Variants in NECTIN2 observed in about 807,000 individuals in gnomAD.
The protein encoded by NECTIN2 is nectin-2.
Under a neutral mutation model 56.9 loss-of-function variants are expected in NECTIN2, and 23 were observed. The ratio of observed to expected loss-of-function variants is 0.40; its 90% CI spans 0.29 to 0.57. The LOEUF is 0.57. Among genes scored for constraint, NECTIN2 ranks in the 20% least tolerant of loss-of-function variants. The pLI is 0.38. For synonymous variants in NECTIN2, 302 were observed against 313.8 expected (o/e 0.96, Z 0.40); for missense variants, 587 against 718.3 (o/e 0.82, Z 2.09).
intron 5 of NECTIN2, among the ~76,000 whole-genome samples, chr19:44,880,744 GTGTGAGTCAC>G (rs1311299081): frequency 6.6e-6 from 1 of 150,456 alleles, no homozygotes; most frequent in Admixed American, 6.7e-5. Flanking sequence ...GGGATGACAG[GTGTGAGTCAC>G]TGTGCCTGGC....
At chr19:44,866,313 G>A (rs190870335) in intron 2 of NECTIN2, among the ~76,000 whole-genome samples, 177 of 152,248 alleles carry the variant, frequency 1.2e-3, no homozygotes, top group South Asian at 2.1e-3. Context: ...GCTGAGGTGG[G>A]AGGATCGCTT....
At chr19:44,867,119 AC>A (rs2122669938) in intron 2 of NECTIN2, among the ~76,000 whole-genome samples, 1 of 152,086 alleles carries the variant, frequency 6.6e-6, no homozygotes, top group Non-Finnish European at 1.5e-5. Context: ...CCCAGGTTCA[AC>A]CAATTCTCCT....
At chr19:44,855,101 G>A (rs1325610866) in intron 1 of NECTIN2, among the ~76,000 whole-genome samples, 9 of 123,330 alleles carry the variant, frequency 7.3e-5, no homozygotes, top group Non-Finnish European at 1.5e-4. Context: ...CTGGGTGACA[G>A]AGCAAGACTC....
rs1052634134 is a variant in NECTIN2, at chr19:44,861,635, A to G, written c.89-3636A>G. Among the ~76,000 whole-genome samples the G allele has an allele frequency of 1.1e-4, 16 of 152,348 alleles. No individual in the cohort carries two copies. The East Asian group carries it at 2.7e-3, about 26-fold the overall frequency. The stretch of plus-strand genomic sequence containing the variant: ...GACAAAGGTCTAACATCCAGAACCT[A>G]CAAGGAATTTAAACAAATTTACAAG... On this transcript the variant is annotated intron_variant, in intron 1 of 8. Coordinates refer to ENST00000252483, the MANE Select transcript of NECTIN2 (RefSeq NM_001042724.2).
intron 1 of NECTIN2, among the ~76,000 whole-genome samples, chr19:44,852,836 G>A (rs573877749): frequency 2.0e-5 from 3 of 152,164 alleles, no homozygotes; most frequent in African/African-American, 2.4e-5. Context: ...AGGACGCGGT[G>A]GCTCACGCCT....
chr19:44,851,969 T>C (rs1968904287), intron 1 of NECTIN2, among the ~76,000 whole-genome samples: 1 of 152,132 alleles, frequency 6.6e-6, no homozygotes, highest in African/African-American at 2.4e-5. Flanking sequence ...AGCTTCTCCC[T>C]GTCACCCCCA....
rs1315558010 is a variant in NECTIN2, at chr19:44,888,749, A to G, written c.*370A>G. 4.7e-6 allele frequency: 1 copy of G among 211,756 alleles called. No homozygotes were observed. Among genetic ancestry groups the G allele is most frequent in the Non-Finnish European group, 9.7e-6 (1 of 103,530 alleles). 13.1% of individuals were successfully genotyped at this position (211,756 alleles called of 1,614,324 possible). A position where few individuals can be genotyped will look rare whatever the true frequency, so the allele number is the denominator to read the frequency against. On this transcript the variant is annotated 3_prime_UTR_variant, in exon 9 of 9. Coordinates refer to ENST00000252483, the MANE Select transcript of NECTIN2 (RefSeq NM_001042724.2). Reference sequence around the variant, plus strand: ...GACCTATAATTTGTCTTCAGGTAGTAAATTCCCAATAGGTCTGCTGGAGTG... The same window carrying G: ...GACCTATAATTTGTCTTCAGGTAGTGAATTCCCAATAGGTCTGCTGGAGTG...
At chr19:44,854,239 C>G (rs1968937520) in intron 1 of NECTIN2, among the ~76,000 whole-genome samples, 1 of 152,000 alleles carries the variant, frequency 6.6e-6, no homozygotes, top group Non-Finnish European at 1.5e-5. Flanking sequence ...GAATTACAGG[C>G]ATGCAGCTAA....
intron 8 of NECTIN2, 57 bp from the exon 9 acceptor site, chr19:44,888,053 T>G: frequency 2.6e-6 from 4 of 1,555,776 alleles, no homozygotes; most frequent in Non-Finnish European, 3.5e-6. Flanking sequence ...AGCAGATTGG[T>G]AATCTGTGTC....
chr19:44,874,591 T>G lies in NECTIN2; in HGVS notation c.1042+113T>G, dbSNP rs1254066912. ...GGCTGCGCCGCCGACCTGGGAGGGA[T>G]GCAGACCTGCCTGGCTGAGGGGAGA... On this transcript the variant is annotated intron_variant, in intron 5 of 8. Coordinates refer to ENST00000252483, the MANE Select transcript of NECTIN2 (RefSeq NM_001042724.2). The surrounding 1 kb of genome is among the most constrained non-coding windows in gnomAD (Gnocchi z 6.3). 4.4e-6 allele frequency: 6 copies of G among 1,349,842 alleles called. No individual in the cohort carries two copies. The highest frequency in any genetic ancestry group is 6.1e-6 in the Non-Finnish European group (6 of 978,276). The allele number at this position is 1,349,842 out of a possible 1,614,324, so 83.6% of individuals were successfully genotyped here.
chr19:44,847,923 C>A (rs1968855714), intron 1 of NECTIN2, among the ~76,000 whole-genome samples: 1 of 152,086 alleles, frequency 6.6e-6, no homozygotes, highest in Admixed American at 6.5e-5. Context: ...AGGAGAGCGG[C>A]CCCCCTGGGG....
At position 44,865,313 on chromosome 19, in the gene NECTIN2, G is replaced by A; in HGVS notation, c.131G>A (p.Gly44Asp). The part of the protein sequence containing the change: ...VRVQVLPEVR[G>D]QLGGTVELPC... Reference sequence around the variant, plus strand: ...GTTCAAGTGCTACCCGAGGTGCGAGGCCAGCTCGGGGGCACCGTGGAGCTG... The same window carrying A: ...GTTCAAGTGCTACCCGAGGTGCGAGACCAGCTCGGGGGCACCGTGGAGCTG... The change falls in exon 2 of 9, where the codon GGC (glycine) becomes GAC (aspartate). Residue 44 changes from glycine to aspartate, a missense_variant. Gly to Asp is a moderately conservative substitution (Grantham distance 94). Transcript: ENST00000252483. This position sits in a 1 kb window ranked among gnomAD's most constrained non-coding sequence, Gnocchi z 5.2. 1.2e-6 allele frequency: 2 copies of A among 1,613,808 alleles called. No individual in the cohort carries two copies. The highest frequency in any genetic ancestry group is 1.7e-6 in the Non-Finnish European group (2 of 1,179,858).
At chr19:44,883,004 A>G (rs1969325185) in intron 6 of NECTIN2, among the ~76,000 whole-genome samples, 2 of 152,046 alleles carry the variant, frequency 1.3e-5, no homozygotes, top group African/African-American at 4.8e-5. Flanking sequence ...GATGGTCTCT[A>G]TCTCCTGACC....
chr19:44,885,089 C>T (rs1042152585), intron 6 of NECTIN2, among the ~76,000 whole-genome samples: 6 of 151,842 alleles, frequency 4.0e-5, no homozygotes, highest in African/African-American at 1.2e-4. Context: ...CTCCACCTCC[C>T]GGGTTCAAGC....
intron 1 of NECTIN2, among the ~76,000 whole-genome samples, chr19:44,848,136 A>T (rs1012252744): frequency 6.6e-6 from 1 of 152,072 alleles, no homozygotes; most frequent in African/African-American, 2.4e-5. Flanking sequence ...CTGGCCTCCC[A>T]GCTTTGACCC....
chr19:44,853,386 G>A (rs1209771024), intron 1 of NECTIN2, among the ~76,000 whole-genome samples: 13 of 151,658 alleles, frequency 8.6e-5, no homozygotes, highest in African/African-American at 1.5e-4. Flanking sequence ...TAATAGAGAC[G>A]TGGTTTCACC....
At chr19:44,879,635 G>A (rs992962223) in intron 5 of NECTIN2, among the ~76,000 whole-genome samples, 3 of 152,110 alleles carry the variant, frequency 2.0e-5, no homozygotes, top group South Asian at 2.1e-4. Flanking sequence ...GCAAAGACGG[G>A]GGGAGGGGCG....
chr19:44,878,135 T>C, intron 5 of NECTIN2: 1 of 570,044 alleles, frequency 1.8e-6, no homozygotes, highest in Non-Finnish European at 3.2e-6. Context: ...ATCCTGCATC[T>C]CCCCCACCCC....
intron 2 of NECTIN2, among the ~76,000 whole-genome samples, chr19:44,871,012 G>A (rs993394601): frequency 1.1e-4 from 17 of 152,184 alleles, no homozygotes; most frequent in African/African-American, 3.9e-4. Context: ...TTACAGGCAT[G>A]AGCCACTGCG....
Sources: allele counts gnomAD v4.1 joint callset (sites outside exome capture counted in the v4.1 genomes callset), GRCh38; gene constraint gnomAD v4.1.1; non-coding constraint Gnocchi (gnomAD v3.1); transcripts MANE v1.5; gene names NCBI Gene and HGNC (gene_info 2026-07-23, HGNC 2026-07-21).